The following PDSS2 variants were observed in gnomAD, a reference collection of about 807,000 sequenced individuals.
The protein encoded by PDSS2 is decaprenyl diphosphate synthase subunit 2, also known as all trans-polyprenyl-diphosphate synthase PDSS2.
In PDSS2, 31 loss-of-function variants were observed where a neutral mutation model predicts 44.5. The observed-to-expected ratio is 0.70, with a 90% CI of 0.52 to 0.94. The LOEUF (loss-of-function observed/expected upper bound fraction) is 0.94, where lower values mean the gene tolerates loss of function less well. Among genes scored for constraint, PDSS2 ranks in the 40% least tolerant of loss-of-function variants. The pLI, the probability that PDSS2 is intolerant of heterozygous loss-of-function variation, is 0.00. For missense variants in PDSS2, 452 were observed against 482.2 expected, an observed-to-expected ratio of 0.94 and a Z score of 0.59; for synonymous variants, 157 against 180.3, an observed-to-expected ratio of 0.87 and a Z score of 1.03.
chr6:107,253,024 A>C (rs1420699373), intron 3 of PDSS2, among the ~76,000 whole-genome samples: 1 of 152,072 alleles, frequency 6.6e-6, no homozygotes. Flanking sequence ...ATACATATAA[A>C]AATGTTTGTG....
intron 1 of PDSS2, among the ~76,000 whole-genome samples, chr6:107,456,217 G>A (rs539367424): frequency 1.3e-3 from 197 of 152,106 alleles, no homozygotes; most frequent in African/African-American, 4.7e-3. Context: ...GGTACTTGGG[G>A]GGCTGAGGCA....
chr6:107,280,120 C>T (rs1484837434), intron 2 of PDSS2, among the ~76,000 whole-genome samples: 1 of 152,054 alleles, frequency 6.6e-6, no homozygotes, highest in South Asian at 2.1e-4. Flanking sequence ...AGTGCAGTAA[C>T]GTGATCTCGG....
intron 1 of PDSS2, among the ~76,000 whole-genome samples, chr6:107,420,992 C>T (rs575278951): frequency 1.3e-4 from 20 of 152,068 alleles, no homozygotes; most frequent in Non-Finnish European, 2.5e-4. Context: ...CTCTAAACTC[C>T]GCAGTAAGGA....
At chr6:107,432,739 C>G (rs1166421937) in intron 1 of PDSS2, among the ~76,000 whole-genome samples, 1 of 151,624 alleles carries the variant, frequency 6.6e-6, no homozygotes, top group Non-Finnish European at 1.5e-5. Context: ...GCCTGGGCGA[C>G]TGAGGGAGAC....
intron 1 of PDSS2, among the ~76,000 whole-genome samples, chr6:107,403,978 C>T (rs143794332): frequency 3.3e-5 from 5 of 152,244 alleles, no homozygotes; most frequent in Non-Finnish European, 5.9e-5. Context: ...CTCCCCAGAA[C>T]ATGGGATTTT....
chr6:107,244,201 GT>G (rs1379522312), intron 4 of PDSS2, among the ~76,000 whole-genome samples: 2 of 152,180 alleles, frequency 1.3e-5, no homozygotes, highest in African/African-American at 4.8e-5. Context: ...CTAACAAGTT[GT>G]GTGACCTTGG....
chr6:107,459,487 C>G lies in PDSS2; in HGVS notation c.-202G>C. 1.7e-6 allele frequency: 1 copy of G among 596,156 alleles called. No individual in the cohort carries two copies. The highest frequency in any genetic ancestry group is 3.0e-6 in the Non-Finnish European group (1 of 335,568). 36.9% of individuals were successfully genotyped at this position (596,156 alleles called of 1,614,324 possible). A position where few individuals can be genotyped will look rare whatever the true frequency, so the allele number is the denominator to read the frequency against. On this transcript the variant is annotated 5_prime_UTR_variant, in exon 1 of 8. Transcript: ENST00000369037. The surrounding 1 kb of genome is among the most constrained non-coding windows in gnomAD (Gnocchi z 4.3). ...GCCCAGGCTGGGCAAACAACAGTCC[C>G]AGCTCAGCACTGCCCCCGGCCACCC... is the stretch of plus-strand genomic sequence containing the variant.
intron 2 of PDSS2, among the ~76,000 whole-genome samples, chr6:107,307,793 T>A (rs1776910424): frequency 6.6e-6 from 1 of 152,192 alleles, no homozygotes; most frequent in African/African-American, 2.4e-5. Context: ...ACCAGCTTCC[T>A]TTTACCACTC....
At chr6:107,363,771 G>A (rs1778864033) in intron 1 of PDSS2, among the ~76,000 whole-genome samples, 1 of 152,164 alleles carries the variant, frequency 6.6e-6, no homozygotes, top group South Asian at 2.1e-4. Flanking sequence ...TCAGGGCGCT[G>A]ATTGGTGCGT....
At chr6:107,257,201 A>G (rs1211656934) in intron 3 of PDSS2, among the ~76,000 whole-genome samples, 1 of 151,542 alleles carries the variant, frequency 6.6e-6, no homozygotes, top group Non-Finnish European at 1.5e-5. Context: ...AAAATGAAAT[A>G]AAATAAATCT....
intron 2 of PDSS2, among the ~76,000 whole-genome samples, chr6:107,327,283 C>A (rs1030277635): frequency 1.3e-5 from 2 of 152,188 alleles, no homozygotes; most frequent in South Asian, 4.1e-4. Context: ...TCTCTACCCA[C>A]TGCTGCTTAG....
chr6:107,219,619 T>C (rs1005351022), intron 4 of PDSS2, among the ~76,000 whole-genome samples: 2 of 152,200 alleles, frequency 1.3e-5, no homozygotes, highest in African/African-American at 2.4e-5. Flanking sequence ...AATCCAGATA[T>C]CACTTCTTTG....
intron 2 of PDSS2, among the ~76,000 whole-genome samples, chr6:107,300,699 C>T (rs1015714061): frequency 6.6e-6 from 1 of 152,168 alleles, no homozygotes; most frequent in African/African-American, 2.4e-5. Flanking sequence ...GGTCACTTCC[C>T]GTTGTATGGG....
At chr6:107,337,695 C>G (rs1777949087) in intron 1 of PDSS2, among the ~76,000 whole-genome samples, 2 of 152,100 alleles carry the variant, frequency 1.3e-5, no homozygotes, top group Non-Finnish European at 2.9e-5. Context: ...TTAACATTTT[C>G]TTTCTTCTAC....
At chr6:107,171,064 C>T (rs1408755150) in intron 7 of PDSS2, among the ~76,000 whole-genome samples, 3 of 152,198 alleles carry the variant, frequency 2.0e-5, no homozygotes, top group Admixed American at 1.3e-4. Context: ...CCCAGGACCA[C>T]CTGTTAGAGA....
At chr6:107,388,322 C>T (rs904620784) in intron 1 of PDSS2, among the ~76,000 whole-genome samples, 1 of 152,124 alleles carries the variant, frequency 6.6e-6, no homozygotes, top group East Asian at 1.9e-4. Flanking sequence ...ATAGCCACTT[C>T]GGAAGACAGT....
chr6:107,342,337 C>T (rs962085842), intron 1 of PDSS2, among the ~76,000 whole-genome samples: 2 of 152,190 alleles, frequency 1.3e-5, no homozygotes, highest in African/African-American at 4.8e-5. Flanking sequence ...CCACATCCAA[C>T]CATTCAGCTC....
intron 1 of PDSS2, among the ~76,000 whole-genome samples, chr6:107,391,055 G>A (rs1449254409): frequency 6.6e-6 from 1 of 151,802 alleles, no homozygotes; most frequent in Non-Finnish European, 1.5e-5. Flanking sequence ...AGGGTGGGGA[G>A]AGGAAATGCA....
intron 1 of PDSS2, among the ~76,000 whole-genome samples, chr6:107,410,915 T>C (rs936212994): frequency 6.8e-6 from 1 of 148,088 alleles, no homozygotes; most frequent in Admixed American, 6.7e-5. Context: ...TGAGACAGAG[T>C]CTTATGCCGC....
Sources: allele counts gnomAD v4.1 joint callset (sites outside exome capture counted in the v4.1 genomes callset), GRCh38; gene constraint gnomAD v4.1.1; non-coding constraint Gnocchi (gnomAD v3.1); transcripts MANE v1.5; gene names NCBI Gene and HGNC (gene_info 2026-07-23, HGNC 2026-07-21).